Variants in CEMIP observed in about 807,000 individuals in gnomAD.
CEMIP encodes the protein cell migration-inducing and hyaluronan-binding protein.
Under a neutral mutation model 156.9 loss-of-function variants are expected in CEMIP, and 105 were observed. That is an observed-to-expected ratio of 0.67 (90% CI 0.57 to 0.79). CEMIP has a LOEUF of 0.79. Ranked by LOEUF, CEMIP falls within the 30% of genes least tolerant of loss-of-function variation. CEMIP has a pLI of 0.00. For synonymous variants in CEMIP, 676 were observed against 668.4 expected (o/e 1.01, Z -0.17); for missense variants, 1,457 against 1,769.4 (o/e 0.82, Z 3.17).
At chr15:80,873,366 T>C (rs745912950) in intron 1 of CEMIP, among the ~76,000 whole-genome samples, 172 bp from the exon 2 acceptor site, 3 of 152,154 alleles carry the variant, frequency 2.0e-5, no homozygotes, top group Non-Finnish European at 2.9e-5. Context: ...CATAGACTGA[T>C]AATGTAAAGG....
At chr15:80,834,411 G>A (rs1897225902) in intron 1 of CEMIP, among the ~76,000 whole-genome samples, 1 of 151,956 alleles carries the variant, frequency 6.6e-6, no homozygotes, top group Non-Finnish European at 1.5e-5. Context: ...CTTTATTTTT[G>A]TCTTTCACAC....
At chr15:80,831,985 C>T (rs1266536579) in intron 1 of CEMIP, among the ~76,000 whole-genome samples, 4 of 152,206 alleles carry the variant, frequency 2.6e-5, no homozygotes, top group Non-Finnish European at 5.9e-5. Context: ...TAGAAAGAAC[C>T]TGTTGCAAAC....
intron 25 of CEMIP, among the ~76,000 whole-genome samples, chr15:80,940,941 T>C (rs914117727): frequency 2.0e-5 from 3 of 152,238 alleles, no homozygotes; most frequent in African/African-American, 7.2e-5. Context: ...CAGCCCCAAC[T>C]CCATGTGGTC....
chr15:80,867,162 C>T (rs1898151883), intron 1 of CEMIP, among the ~76,000 whole-genome samples: 1 of 152,166 alleles, frequency 6.6e-6, no homozygotes. Context: ...CAACAGCCTC[C>T]CCTGGGAGCT....
At chr15:80,944,287 T>A (rs1005209343) in intron 28 of CEMIP, among the ~76,000 whole-genome samples, 3 of 151,976 alleles carry the variant, frequency 2.0e-5, no homozygotes, top group African/African-American at 7.3e-5. Context: ...CTCAAAAAAA[T>A]AAAAAATAAA....
At chr15:80,783,892 A>ACATGG (rs1398771794) in intron 1 of CEMIP, among the ~76,000 whole-genome samples, 1 of 152,204 alleles carries the variant, frequency 6.6e-6, no homozygotes, top group East Asian at 1.9e-4. Flanking sequence ...TAGGAAACAC[A>ACATGG]CATGGCCACC....
chr15:80,843,149 A>G (rs1017016316), intron 1 of CEMIP, among the ~76,000 whole-genome samples: 1 of 152,140 alleles, frequency 6.6e-6, no homozygotes, highest in Non-Finnish European at 1.5e-5. Context: ...ATCTTATTTA[A>G]TCTCCACGAT....
At chr15:80,900,645 TGTG>T (rs1899475214) in intron 12 of CEMIP, among the ~76,000 whole-genome samples, 1 of 126,240 alleles carries the variant, frequency 7.9e-6, no homozygotes, top group African/African-American at 2.9e-5. Flanking sequence ...TGTGTGTGTG[TGTG>T]TCTGTGTGTG....
At chr15:80,938,137 A>G in intron 25 of CEMIP, 158 bp downstream of exon 25, 1 of 647,636 alleles carries the variant, frequency 1.5e-6, no homozygotes, top group Non-Finnish European at 2.8e-6. Context: ...CCCATACATT[A>G]ACGACATTTT....
intron 1 of CEMIP, among the ~76,000 whole-genome samples, chr15:80,832,335 T>TGTGTGTGTGTGTGTGTGTGTGTGC (rs1897174898): frequency 6.6e-6 from 1 of 150,718 alleles, no homozygotes; most frequent in African/African-American, 2.5e-5. Flanking sequence ...TGTGTGTGTG[T>TGTGTGTGTGTGTGTGTGTGTGTGC]GTGTGTGTGT....
intron 27 of CEMIP, 75 bp downstream of exon 27, chr15:80,942,412 C>CA: frequency 8.1e-7 from 1 of 1,232,482 alleles, no homozygotes; most frequent in South Asian, 1.2e-5. Flanking sequence ...GCTGCTGGCA[C>CA]AAATTACTGC....
intron 1 of CEMIP, among the ~76,000 whole-genome samples, chr15:80,846,606 T>C (rs961431387): frequency 6.6e-6 from 1 of 152,154 alleles, no homozygotes; most frequent in African/African-American, 2.4e-5. Context: ...GTGAACTTGA[T>C]GAGTAACAGC....
chr15:80,904,575 A>G (rs766678928), intron 12 of CEMIP, among the ~76,000 whole-genome samples: 9 of 152,244 alleles, frequency 5.9e-5, no homozygotes, highest in Non-Finnish European at 1.2e-4. Flanking sequence ...AAATGTGATC[A>G]CAAGGGTCCT....
chr15:80,936,315 C>T (rs1901119372), intron 23 of CEMIP, among the ~76,000 whole-genome samples: 1 of 149,126 alleles, frequency 6.7e-6, no homozygotes, highest in African/African-American at 2.4e-5. Flanking sequence ...TAAAAAAGTT[C>T]TCTCTCTCTC....
At chr15:80,857,357 G>A (rs1441168984) in intron 1 of CEMIP, among the ~76,000 whole-genome samples, 1 of 152,216 alleles carries the variant, frequency 6.6e-6, no homozygotes, top group Non-Finnish European at 1.5e-5. Flanking sequence ...TGGGCTGCAC[G>A]CCTGTCTCAG....
At chr15:80,866,601 A>G (rs1898133423) in intron 1 of CEMIP, among the ~76,000 whole-genome samples, 1 of 130,146 alleles carries the variant, frequency 7.7e-6, no homozygotes, top group East Asian at 2.0e-4. Context: ...AAAAATAAAT[A>G]AATAAATAAA....
At chr15:80,835,233 A>G (rs1295842665) in intron 1 of CEMIP, among the ~76,000 whole-genome samples, 4 of 152,102 alleles carry the variant, frequency 2.6e-5, no homozygotes, top group African/African-American at 9.7e-5. Flanking sequence ...TTTTGGCCCT[A>G]TGAAGCTACT....
chr15:80,941,087 T>C (rs949931760), intron 25 of CEMIP, among the ~76,000 whole-genome samples: 2 of 152,050 alleles, frequency 1.3e-5, no homozygotes, highest in Admixed American at 6.6e-5. Context: ...AGCTGTGTGG[T>C]AGGGGTTTGG....
chr15:80,809,042 G>T (rs992999656), intron 1 of CEMIP, among the ~76,000 whole-genome samples: 2 of 152,150 alleles, frequency 1.3e-5, no homozygotes, highest in African/African-American at 2.4e-5. Flanking sequence ...CCTACTTGTG[G>T]TCAGATGTGG....
Sources: gnomAD v4.1 joint callset for allele counts (sites outside exome capture counted in the v4.1 genomes callset) on GRCh38, gnomAD v4.1.1 for gene constraint, MANE v1.5 for transcripts, NCBI Gene and HGNC (gene_info 2026-07-23, HGNC 2026-07-21) for gene names.